USH2A: variants seen among roughly 807,000 people sequenced by gnomAD.
USH2A encodes usherin, also known as Usher syndrome 2A (autosomal recessive, mild).
A neutral mutation model predicts 538.9 loss-of-function variants in USH2A; 443 were observed. The ratio of observed to expected loss-of-function variants is 0.82; its 90% CI spans 0.76 to 0.89. The LOEUF (loss-of-function observed/expected upper bound fraction) is 0.89. Ranked by LOEUF, USH2A falls within the 40% of genes least tolerant of loss-of-function variation. USH2A has a pLI of 0.00. For synonymous variants in USH2A, 2,413 were observed against 2,273.5 expected (o/e 1.06, Z -1.75); for missense variants, 6,633 against 6,324.8 (o/e 1.05, Z -1.65).
chr1:215,804,382 T>C (rs1662431806), intron 49 of USH2A, among the ~76,000 whole-genome samples: 1 of 151,970 alleles, frequency 6.6e-6, no homozygotes, highest in African/African-American at 2.4e-5. Context: ...TGCAATCTAC[T>C]CATCTGACAA....
chr1:215,921,602 A>C (rs185898378), intron 38 of USH2A, among the ~76,000 whole-genome samples: 1 of 152,202 alleles, frequency 6.6e-6, no homozygotes, highest in Non-Finnish European at 1.5e-5. Flanking sequence ...GCTGCTGCCA[A>C]GAGAGCATAT....
At chr1:216,012,822 G>T (rs567422767) in intron 32 of USH2A, among the ~76,000 whole-genome samples, 1 of 152,082 alleles carries the variant, frequency 6.6e-6, no homozygotes, top group Non-Finnish European at 1.5e-5. Flanking sequence ...CTGTATAGAC[G>T]CTCCTTTTTA....
At chr1:216,295,623 C>A (rs2037089305) in intron 9 of USH2A, among the ~76,000 whole-genome samples, 1 of 151,524 alleles carries the variant, frequency 6.6e-6, no homozygotes, top group Non-Finnish European at 1.5e-5. Flanking sequence ...AAGTAAATAC[C>A]AGGATTTCTG....
chr1:216,360,860 C>A (rs1280055384), intron 4 of USH2A, among the ~76,000 whole-genome samples: 1 of 151,866 alleles, frequency 6.6e-6, no homozygotes, highest in Non-Finnish European at 1.5e-5. Context: ...GTTCAGATGC[C>A]CATTCTCCTA....
intron 38 of USH2A, among the ~76,000 whole-genome samples, chr1:215,903,411 A>G (rs767370173): frequency 6.6e-6 from 1 of 152,110 alleles, no homozygotes; most frequent in Non-Finnish European, 1.5e-5. Context: ...AGAAAAGCTC[A>G]TGATATCAAA....
chr1:215,687,400 T>A (rs760435978), intron 61 of USH2A, among the ~76,000 whole-genome samples: 7 of 151,962 alleles, frequency 4.6e-5, no homozygotes, highest in Non-Finnish European at 1.0e-4. Context: ...GAATACATCA[T>A]TCATTTTGTA....
intron 37 of USH2A, among the ~76,000 whole-genome samples, chr1:215,941,789 T>C (rs986502817): frequency 6.6e-6 from 1 of 152,180 alleles, no homozygotes; most frequent in Non-Finnish European, 1.5e-5. Flanking sequence ...GGAAGATATA[T>C]ACTTGAGATG....
chr1:216,344,236 G>T (rs967902333), intron 4 of USH2A, among the ~76,000 whole-genome samples: 1 of 152,078 alleles, frequency 6.6e-6, no homozygotes, highest in Non-Finnish European at 1.5e-5. Flanking sequence ...AATGGCAATA[G>T]CTTCAAAACA....
At chr1:216,358,613 C>G (rs373101158) in intron 4 of USH2A, among the ~76,000 whole-genome samples, 1 of 151,900 alleles carries the variant, frequency 6.6e-6, no homozygotes, top group Non-Finnish European at 1.5e-5. Context: ...CCAGTCTATA[C>G]GCCATCTCTA....
intron 32 of USH2A, among the ~76,000 whole-genome samples, chr1:216,017,721 A>G (rs1023671095): frequency 6.6e-6 from 1 of 152,196 alleles, no homozygotes; most frequent in Admixed American, 6.5e-5. Context: ...TAATTCAGTA[A>G]TAATCATGGC....
chr1:215,769,056 T>C (rs113114444), intron 55 of USH2A, among the ~76,000 whole-genome samples: 1,973 of 152,342 alleles, frequency 0.013, 44 homozygotes, highest in African/African-American at 0.045. Flanking sequence ...TCCATCGGTA[T>C]CCCTGTCCAC....
At position 216,269,342 on chromosome 1, in the gene USH2A, T is replaced by C. The variant is rs149691818; in HGVS notation, c.1972-18244A>G. ...CTCTCTCTTTGCTTGCTGCCACCCA[T>C]ACAAGATGTGACTTACTCCTCTTTG... On this transcript the variant is annotated intron_variant, in intron 11 of 71. Coordinates refer to ENST00000307340, the MANE Select transcript of USH2A (RefSeq NM_206933.4). Among the ~76,000 whole-genome samples the C allele has an allele frequency of 4.1e-3, 629 of 152,188 alleles. 2 individuals are homozygous for C. The highest frequency in any genetic ancestry group is 6.6e-3 in the Non-Finnish European group (449 of 67,984).
intron 35 of USH2A, among the ~76,000 whole-genome samples, chr1:215,991,302 TA>T (rs1389888380): frequency 6.6e-6 from 1 of 152,158 alleles, no homozygotes; most frequent in Non-Finnish European, 1.5e-5. Flanking sequence ...AATACCAGAC[TA>T]AAAAATTTAG....
intron 11 of USH2A, among the ~76,000 whole-genome samples, chr1:216,288,188 T>C (rs1450670561): frequency 6.6e-6 from 1 of 152,142 alleles, no homozygotes; most frequent in Non-Finnish European, 1.5e-5. Flanking sequence ...AAATGAAATA[T>C]AATCTAAAGA....
At position 216,325,745 on chromosome 1, in the gene USH2A, A is replaced by G. The variant is rs1239725940; in HGVS notation, c.849-146T>C. On this transcript the variant is annotated intron_variant, in intron 5 of 71. Coordinates refer to ENST00000307340, the MANE Select transcript of USH2A (RefSeq NM_206933.4). ...TAATTTGATGCATGAAACATAAAATAAAACTTATTTTTGGCCAAATAAACA... is the reference window on the plus strand; with the variant it reads ...TAATTTGATGCATGAAACATAAAATGAAACTTATTTTTGGCCAAATAAACA... The G allele has an allele frequency of 9.9e-6, 8 of 805,598 alleles. No individual in the cohort carries two copies. In the Admixed American group the frequency reaches 1.2e-4, roughly 12 times the overall value. The allele number at this position is 805,598 out of a possible 1,614,324, so 49.9% of individuals were successfully genotyped here. A position where few individuals can be genotyped will look rare whatever the true frequency, so the allele number is the denominator to read the frequency against.
chr1:215,647,791 T>C, intron 66 of USH2A, 61 bp from the exon 67 acceptor site: 1 of 1,578,274 alleles, frequency 6.3e-7, no homozygotes, highest in Admixed American at 1.7e-5. Flanking sequence ...AACTCTCTCT[T>C]TTAAAACCAG....
chr1:216,163,330 G>A (rs2034100146), intron 21 of USH2A, among the ~76,000 whole-genome samples: 2 of 151,610 alleles, frequency 1.3e-5, no homozygotes, highest in African/African-American at 4.8e-5. Context: ...TGATTTTATT[G>A]ATAATATTAA....
intron 11 of USH2A, among the ~76,000 whole-genome samples, chr1:216,261,387 G>T (rs185485820): frequency 6.8e-6 from 1 of 147,760 alleles, no homozygotes; most frequent in Admixed American, 6.8e-5. Flanking sequence ...GGCTTAGGTA[G>T]AAGTATTGTT....
At chr1:216,180,634 T>A (rs2034475254) in intron 20 of USH2A, among the ~76,000 whole-genome samples, 1 of 152,204 alleles carries the variant, frequency 6.6e-6, no homozygotes, top group Non-Finnish European at 1.5e-5. Context: ...ATCTGTTCAT[T>A]TTTTGCCTAT....
Sources: gnomAD v4.1 joint callset for allele counts (sites outside exome capture counted in the v4.1 genomes callset) on GRCh38, gnomAD v4.1.1 for gene constraint, MANE v1.5 for transcripts, NCBI Gene and HGNC (gene_info 2026-07-23, HGNC 2026-07-21) for gene names.